Variants in SIPA1L1 observed in about 807,000 individuals in gnomAD.
The protein encoded by SIPA1L1 is signal induced proliferation associated 1 like 1, also known as signal-induced proliferation-associated 1-like protein 1.
In SIPA1L1, 26 loss-of-function variants were observed where a neutral mutation model predicts 162.7. The ratio of observed to expected loss-of-function variants is 0.16; its 90% CI spans 0.12 to 0.22. The LOEUF is 0.22. Ranked by LOEUF, SIPA1L1 falls within the 10% of genes least tolerant of loss-of-function variation. The pLI, the probability that SIPA1L1 is intolerant of heterozygous loss-of-function variation, is 1.00. For synonymous variants in SIPA1L1, 829 were observed against 837.4 expected, an observed-to-expected ratio of 0.99 and a Z score of 0.17; for missense variants, 1,874 against 2,241.0, an observed-to-expected ratio of 0.84 and a Z score of 3.31.
chr14:71,680,858 G>A (rs1428833855), intron 12 of SIPA1L1, among the ~76,000 whole-genome samples: 1 of 152,140 alleles, frequency 6.6e-6, no homozygotes, highest in Non-Finnish European at 1.5e-5. Flanking sequence ...CACAGGATGG[G>A]GGCGTCATGG....
At chr14:71,520,506 G>A (rs938469075) in intron 3 of SIPA1L1, among the ~76,000 whole-genome samples, 9 of 152,048 alleles carry the variant, frequency 5.9e-5, no homozygotes, top group Non-Finnish European at 1.2e-4. Context: ...AACCAGTCCC[G>A]AGATCAAAAA....
chr14:71,529,461 T>C, intron 4 of SIPA1L1, 91 bp downstream of exon 4: 1 of 557,980 alleles, frequency 1.8e-6, no homozygotes, highest in Non-Finnish European at 3.2e-6. Flanking sequence ...AATGAAAACA[T>C]AGAAACAAAA....
At chr14:71,391,789 A>G (rs1025465126) in intron 2 of SIPA1L1, among the ~76,000 whole-genome samples, 2 of 152,190 alleles carry the variant, frequency 1.3e-5, no homozygotes, top group African/African-American at 2.4e-5. Context: ...TCAGAAAGGA[A>G]TTCAAGTAAT....
chr14:71,699,612 T>G (rs1290417456), intron 14 of SIPA1L1, among the ~76,000 whole-genome samples: 1 of 152,084 alleles, frequency 6.6e-6, no homozygotes, highest in Non-Finnish European at 1.5e-5. Context: ...CCCCGGTAAA[T>G]GAGGAGTTTG....
At chr14:71,636,730 AG>A (rs1219023835) in intron 7 of SIPA1L1, among the ~76,000 whole-genome samples, 1 of 152,186 alleles carries the variant, frequency 6.6e-6, no homozygotes, top group Non-Finnish European at 1.5e-5. Context: ...AAAACATTTG[AG>A]GAAATTAATG....
At chr14:71,594,826 A>G (rs775958793) in intron 5 of SIPA1L1, among the ~76,000 whole-genome samples, 4 of 152,190 alleles carry the variant, frequency 2.6e-5, no homozygotes, top group African/African-American at 7.2e-5. Flanking sequence ...ATTCCCTCAC[A>G]GGGAGATTTG....
intron 2 of SIPA1L1, among the ~76,000 whole-genome samples, chr14:71,393,992 C>T (rs1237277621): frequency 6.6e-6 from 1 of 152,232 alleles, no homozygotes; most frequent in Non-Finnish European, 1.5e-5. Flanking sequence ...TTCAGGCAGA[C>T]AAGTATTTGA....
intron 3 of SIPA1L1, among the ~76,000 whole-genome samples, chr14:71,526,551 G>A (rs1471530514): frequency 6.6e-6 from 1 of 152,152 alleles, no homozygotes; most frequent in Admixed American, 6.5e-5. Flanking sequence ...TGTAGCAGGC[G>A]AAACTAAGGC....
At chr14:71,618,114 T>G (rs952709702) in intron 5 of SIPA1L1, among the ~76,000 whole-genome samples, 5 of 152,224 alleles carry the variant, frequency 3.3e-5, no homozygotes, top group African/African-American at 1.2e-4. Context: ...AGAGAGGCCC[T>G]AGGCTCATCG....
chr14:71,598,191 TCCC>T, intron 5 of SIPA1L1: 1 of 985,186 alleles, frequency 1.0e-6, no homozygotes, highest in Non-Finnish European at 1.2e-6. Flanking sequence ...CACCAATTGA[TCCC>T]CACAGGCACA....
At chr14:71,490,096 A>T (rs2049117584) in intron 2 of SIPA1L1, among the ~76,000 whole-genome samples, 1 of 152,244 alleles carries the variant, frequency 6.6e-6, no homozygotes, top group Non-Finnish European at 1.5e-5. Context: ...TTTAATAATC[A>T]GAGAAGTGAA....
intron 21 of SIPA1L1, 109 bp downstream of exon 21, chr14:71,733,921 A>G: frequency 8.5e-7 from 1 of 1,179,732 alleles, no homozygotes; most frequent in South Asian, 1.6e-5. Context: ...GCCTCACCAG[A>G]TGAGCTATCA....
intron 10 of SIPA1L1, among the ~76,000 whole-genome samples, chr14:71,662,985 T>C (rs535681890): frequency 1.4e-3 from 210 of 152,316 alleles, no homozygotes; most frequent in Non-Finnish European, 2.5e-3. Context: ...AATGGGCACT[T>C]CAAAGTTTGG....
chr14:71,330,409 G>C (rs2034384585), intron 2 of SIPA1L1: 2 of 1,268,166 alleles, frequency 1.6e-6, no homozygotes, highest in African/African-American at 2.9e-5. Context: ...GATTTCACGA[G>C]CTGTCTTCAG....
chr14:71,492,161 A>G (rs2049337181), intron 2 of SIPA1L1, among the ~76,000 whole-genome samples: 1 of 152,094 alleles, frequency 6.6e-6, no homozygotes, highest in Admixed American at 6.6e-5. Context: ...TGGTATAGTA[A>G]CTCAGTTTTT....
At chr14:71,646,111 A>G (rs1404854164) in intron 7 of SIPA1L1, among the ~76,000 whole-genome samples, 1 of 151,316 alleles carries the variant, frequency 6.6e-6, no homozygotes, top group African/African-American at 2.4e-5. Context: ...CTGTGACTTT[A>G]TCGTCCATCT....
intron 4 of SIPA1L1, among the ~76,000 whole-genome samples, chr14:71,556,307 C>G (rs1407879937): frequency 6.6e-6 from 1 of 152,214 alleles, no homozygotes; most frequent in African/African-American, 2.4e-5. Context: ...ACAGAAAACA[C>G]TTCTGTGACA....
intron 5 of SIPA1L1, among the ~76,000 whole-genome samples, chr14:71,593,829 T>A (rs1246605837): frequency 6.6e-6 from 1 of 152,162 alleles, no homozygotes; most frequent in African/African-American, 2.4e-5. Flanking sequence ...TTGATAGGCT[T>A]GTCTTCATGG....
chr14:71,619,789 G>T (rs918762587), intron 6 of SIPA1L1, among the ~76,000 whole-genome samples: 1 of 152,132 alleles, frequency 6.6e-6, no homozygotes, highest in Non-Finnish European at 1.5e-5. Flanking sequence ...AGTTTCCGGG[G>T]TTGGCATCAT....
Sources: gnomAD v4.1 joint callset for allele counts (sites outside exome capture counted in the v4.1 genomes callset) on GRCh38, gnomAD v4.1.1 for gene constraint, MANE v1.5 for transcripts, NCBI Gene and HGNC (gene_info 2026-07-23, HGNC 2026-07-21) for gene names.